The following PRKAG2 variants were observed in gnomAD, a reference collection of about 807,000 sequenced individuals.
PRKAG2 encodes the protein 5'-AMP-activated protein kinase subunit gamma-2.
A neutral mutation model predicts 69.6 loss-of-function variants in PRKAG2; 26 were observed. The observed-to-expected ratio is 0.37, with a 90% confidence interval of 0.27 to 0.52. The LOEUF (loss-of-function observed/expected upper bound fraction) is 0.52, where lower values mean the gene tolerates loss of function less well. Among genes scored for constraint, PRKAG2 ranks in the 20% least tolerant of loss-of-function variants. The probability of loss-of-function intolerance (pLI) is 0.90; values close to 1 mark genes in which losing one functional copy is unlikely to be tolerated. For missense variants in PRKAG2, 557 were observed against 740.0 expected (o/e 0.75, Z 2.87); for synonymous variants, 293 against 285.0 (o/e 1.03, Z -0.28).
intron 1 of PRKAG2, among the ~76,000 whole-genome samples, chr7:151,861,423 G>A (rs2079918955): frequency 6.6e-6 from 1 of 150,422 alleles, no homozygotes; most frequent in Non-Finnish European, 1.5e-5. Flanking sequence ...AGCTACTGGG[G>A]AGGCTGACAC....
chr7:151,766,429 C>G (rs1332134785), intron 3 of PRKAG2, among the ~76,000 whole-genome samples: 1 of 152,172 alleles, frequency 6.6e-6, no homozygotes, highest in Admixed American at 6.5e-5. Flanking sequence ...ACAGTTCACT[C>G]AACAACCTGT....
At chr7:151,566,917 A>G (rs1806388073) in intron 11 of PRKAG2, among the ~76,000 whole-genome samples, 1 of 152,222 alleles carries the variant, frequency 6.6e-6, no homozygotes, top group Non-Finnish European at 1.5e-5. Flanking sequence ...ACCTTTAGTT[A>G]GCTGAATATT....
At chr7:151,875,988 G>A (rs2080389363) in intron 1 of PRKAG2, among the ~76,000 whole-genome samples, 1 of 151,670 alleles carries the variant, frequency 6.6e-6, no homozygotes, top group Non-Finnish European at 1.5e-5. Context: ...GAGAGAAACT[G>A]GAGCGGAGGG....
At chr7:151,866,905 T>A (rs1459011125) in intron 1 of PRKAG2, among the ~76,000 whole-genome samples, 1 of 149,034 alleles carries the variant, frequency 6.7e-6, no homozygotes, top group Non-Finnish European at 1.5e-5. Context: ...TAAGTCTTGG[T>A]GGCCACCCAG....
intron 5 of PRKAG2, among the ~76,000 whole-genome samples, chr7:151,617,394 T>C (rs1428543879): frequency 2.6e-5 from 4 of 151,262 alleles, no homozygotes; most frequent in African/African-American, 9.7e-5. Flanking sequence ...TGTGGGGAAG[T>C]GGGTGAGGGT....
intron 4 of PRKAG2, among the ~76,000 whole-genome samples, chr7:151,643,763 C>A (rs979068384): frequency 7.9e-5 from 12 of 152,168 alleles, no homozygotes; most frequent in African/African-American, 2.4e-4. Context: ...TAATGCAAAT[C>A]CTTTAAAGAA....
intron 1 of PRKAG2, among the ~76,000 whole-genome samples, chr7:151,799,317 T>A (rs1472826767): frequency 2.0e-5 from 3 of 152,204 alleles, no homozygotes; most frequent in Non-Finnish European, 2.9e-5. Flanking sequence ...CATGTCATGC[T>A]CTTATAGCTG....
Position 151,632,727 on chromosome 7 carries a change from A to C in PRKAG2, c.685-589T>G, listed in dbSNP as rs1188490063. Reference sequence around the variant, plus strand: ...TTCCTCTTCCCTTTCCAAATTTTAGATGTAACTGCCCATCCTCGGCCCCCT... The same window carrying C: ...TTCCTCTTCCCTTTCCAAATTTTAGCTGTAACTGCCCATCCTCGGCCCCCT... On this transcript the variant is annotated intron_variant, in intron 4 of 15. Coordinates refer to ENST00000287878, the MANE Select transcript of PRKAG2 (RefSeq NM_016203.4). The surrounding 1 kb of genome is among the most constrained non-coding windows in gnomAD (Gnocchi z 4.2). The C allele has an allele frequency of 2.3e-6, 1 of 436,292 alleles. No individual in the cohort carries two copies. The highest frequency in any genetic ancestry group is 6.4e-5 in the Admixed American group (1 of 15,584). The allele number at this position is 436,292 out of a possible 1,614,324, so 27.0% of individuals were successfully genotyped here.
chr7:151,636,398 T>C (rs1171871131), intron 4 of PRKAG2, among the ~76,000 whole-genome samples: 2 of 152,198 alleles, frequency 1.3e-5, no homozygotes, highest in African/African-American at 4.8e-5. Flanking sequence ...TTCTCATCAA[T>C]GGGATCATAC....
chr7:151,821,868 C>T (rs556572461), intron 1 of PRKAG2, among the ~76,000 whole-genome samples: 12 of 152,208 alleles, frequency 7.9e-5, no homozygotes, highest in Non-Finnish European at 1.6e-4. Context: ...GCCCACCCCA[C>T]AGGGTTACTG....
At chr7:151,728,435 T>C (rs1156545717) in intron 3 of PRKAG2, among the ~76,000 whole-genome samples, 8 of 152,108 alleles carry the variant, frequency 5.3e-5, no homozygotes, top group Admixed American at 4.6e-4. Flanking sequence ...AGTGAGGTCC[T>C]GTCTCACAGG....
At chr7:151,675,777 C>T (rs115508041) in intron 3 of PRKAG2, 140 bp from the exon 4 acceptor site, 6 of 813,384 alleles carry the variant, frequency 7.4e-6, no homozygotes, top group African/African-American at 6.8e-5. Flanking sequence ...CGGGGGCAGT[C>T]AGAGGTCCGG....
chr7:151,798,785 C>T (rs571558990), intron 1 of PRKAG2, among the ~76,000 whole-genome samples: 3 of 152,304 alleles, frequency 2.0e-5, no homozygotes, highest in South Asian at 4.1e-4. Flanking sequence ...GTCCTCCTCT[C>T]CTGGCTGAAG....
chr7:151,653,025 C>T (rs1290077352), intron 4 of PRKAG2, among the ~76,000 whole-genome samples: 2 of 149,220 alleles, frequency 1.3e-5, no homozygotes, highest in South Asian at 2.1e-4. Context: ...ATAACTCAGG[C>T]GCTAATGAAA....
intron 3 of PRKAG2, among the ~76,000 whole-genome samples, chr7:151,726,433 T>C (rs571958764): frequency 6.6e-6 from 1 of 151,012 alleles, no homozygotes; most frequent in Non-Finnish European, 1.5e-5. Context: ...GCCACATTAT[T>C]TACTATGGCT....
chr7:151,811,528 C>T (rs1354540203), intron 1 of PRKAG2, among the ~76,000 whole-genome samples: 3 of 152,210 alleles, frequency 2.0e-5, no homozygotes, highest in Non-Finnish European at 4.4e-5. Context: ...AGAGCTTTGC[C>T]ATCTCACATT....
intron 1 of PRKAG2, among the ~76,000 whole-genome samples, chr7:151,817,815 A>G (rs547221235): frequency 6.6e-6 from 1 of 152,320 alleles, no homozygotes; most frequent in South Asian, 2.1e-4. Context: ...CAAGCTGCAA[A>G]TCCAGGATTC....
chr7:151,867,929 G>C (rs1281951832), intron 1 of PRKAG2, among the ~76,000 whole-genome samples: 1 of 152,136 alleles, frequency 6.6e-6, no homozygotes, highest in Non-Finnish European at 1.5e-5. Context: ...GCCACCCCCA[G>C]CAATGAACTC....
At chr7:151,773,696 T>C (rs1421883953) in intron 3 of PRKAG2, among the ~76,000 whole-genome samples, 2 of 152,196 alleles carry the variant, frequency 1.3e-5, no homozygotes, top group Non-Finnish European at 2.9e-5. Flanking sequence ...TTTAATCTTA[T>C]TATTGGCAGT....
Sources: gnomAD v4.1 joint callset for allele counts (sites outside exome capture counted in the v4.1 genomes callset) on GRCh38, gnomAD v4.1.1 for gene constraint, Gnocchi (gnomAD v3.1) non-coding constraint, MANE v1.5 for transcripts, NCBI Gene and HGNC (gene_info 2026-07-23, HGNC 2026-07-21) for gene names.